The following ZC3H8 variants were observed in gnomAD, a reference collection of about 807,000 sequenced individuals.
ZC3H8 encodes the protein zinc finger CCCH-type containing 8, also known as zinc finger CCCH domain-containing protein 8.
ZC3H8 carries 27 observed loss-of-function variants against 42.5 expected under a neutral mutation model. That is an observed-to-expected ratio of 0.64 (90% CI 0.47 to 0.88). The LOEUF (loss-of-function observed/expected upper bound fraction) is 0.88. Ranked by LOEUF, ZC3H8 falls within the 40% of genes least tolerant of loss-of-function variation. The pLI, the probability that ZC3H8 is intolerant of heterozygous loss-of-function variation, is 0.00. For synonymous variants in ZC3H8, 101 were observed against 110.1 expected, an observed-to-expected ratio of 0.92 and a Z score of 0.52; for missense variants, 277 against 336.1, an observed-to-expected ratio of 0.82 and a Z score of 1.37.
chr2:112,230,681 C>A, intron 8 of ZC3H8: 1 of 214,876 alleles, frequency 4.7e-6, no homozygotes, highest in Non-Finnish European at 9.2e-6. Context: ...CAAAGAAACA[C>A]AAGAGGAGAA....
chr2:112,254,301 C>A (rs1686051364), intron 1 of ZC3H8, among the ~76,000 whole-genome samples: 2 of 152,328 alleles, frequency 1.3e-5, no homozygotes, highest in Non-Finnish European at 2.9e-5. Context: ...AAATTAGGGC[C>A]ATCTGACCAA....
In ZC3H8 at chr2:112,233,390, C is replaced by CAAGG; in HGVS notation, c.622-23_622-20dup. 6.9e-7 allele frequency: 1 copy of CAAGG among 1,457,726 alleles called. No individual in the cohort carries two copies. The highest frequency in any genetic ancestry group is 9.4e-7 in the Non-Finnish European group (1 of 1,063,736). 90.3% of individuals were successfully genotyped at this position (1,457,726 alleles called of 1,614,324 possible). A position where few individuals can be genotyped will look rare whatever the true frequency, so the allele number is the denominator to read the frequency against. On this transcript the variant is annotated intron_variant, in intron 5 of 8. Coordinates refer to ENST00000409573, the MANE Select transcript of ZC3H8 (RefSeq NM_032494.3). The stretch of plus-strand genomic sequence containing the variant: ...GGTCTCCCTAGGCCAAAAGAAGGAG[C>CAAGG]AAGGAAAAGCCATTATTTCTCATAG...
rs1686010147 is a variant in ZC3H8, at chr2:112,253,064, G to A, written c.74+1844C>T. On this transcript the variant is annotated intron_variant, in intron 1 of 8. Coordinates refer to ENST00000409573, the MANE Select transcript of ZC3H8 (RefSeq NM_032494.3). ...CAGGAGAATGGTGTGAACCCGGAAGGCAGAGCTTGCAGTGAGCCGAGATCG... is the reference window on the plus strand; with the variant it reads ...CAGGAGAATGGTGTGAACCCGGAAGACAGAGCTTGCAGTGAGCCGAGATCG... Among the ~76,000 whole-genome samples the A allele has an allele frequency of 2.0e-5, 3 of 152,078 alleles. No individual in the cohort carries two copies. The South Asian group carries it at 6.2e-4, about 32-fold the overall frequency.
At chr2:112,237,930 TAGA>T (rs1685414993) in intron 3 of ZC3H8, among the ~76,000 whole-genome samples, 1 of 152,212 alleles carries the variant, frequency 6.6e-6, no homozygotes, top group Non-Finnish European at 1.5e-5. Flanking sequence ...TTTAGTAATC[TAGA>T]AGAATATATT....
chr2:112,231,958 T>G lies in ZC3H8; in HGVS notation c.734-11A>C, dbSNP rs1450176658. 4 of 1,434,788 alleles carry G rather than the reference T, an allele frequency of 2.8e-6. No homozygotes were observed. In the African/African-American group the frequency reaches 5.7e-5, roughly 20 times the overall value. 88.9% of individuals were successfully genotyped at this position (1,434,788 alleles called of 1,614,324 possible). A position where few individuals can be genotyped will look rare whatever the true frequency, so the allele number is the denominator to read the frequency against. Reference sequence around the variant, plus strand: ...TACAAGGATATTCATGTAACCCAAGTGTTAAGGAAGAGAACAATTTTAATC... The same window carrying G: ...TACAAGGATATTCATGTAACCCAAGGGTTAAGGAAGAGAACAATTTTAATC... On this transcript the variant is annotated splice_polypyrimidine_tract_variant and intron_variant, in intron 6 of 8. Transcript: ENST00000409573.
intron 8 of ZC3H8, among the ~76,000 whole-genome samples, chr2:112,220,206 A>C (rs983092925): frequency 4.6e-5 from 7 of 152,178 alleles, no homozygotes; most frequent in Non-Finnish European, 1.0e-4. Flanking sequence ...TTAGCTGGTT[A>C]TTATGCAGAC....
chr2:112,255,032 C>G lies in ZC3H8; in HGVS notation c.-51G>C. Reference sequence around the variant, plus strand: ...GAGCCGGGAAGCTACAGAGTAACAACCCGAGAGAGTGACAACCCGGACGCG... The same window carrying G: ...GAGCCGGGAAGCTACAGAGTAACAAGCCGAGAGAGTGACAACCCGGACGCG... On this transcript the variant is annotated 5_prime_UTR_variant, in exon 1 of 9. Transcript: ENST00000409573. 2 of 1,546,842 alleles carry G rather than the reference C, an allele frequency of 1.3e-6. No homozygotes were observed. The highest frequency in any genetic ancestry group is 1.7e-6 in the Non-Finnish European group (2 of 1,145,158).
rs369148737 is a variant in ZC3H8 at position 112,226,796 on chromosome 2, TG to T, written c.*15+4106del. On this transcript the variant is annotated intron_variant, in intron 8 of 8. Coordinates refer to ENST00000409573, the MANE Select transcript of ZC3H8 (RefSeq NM_032494.3). ...TACACATGAATATCCCTCATAAACA[TG>T]AAAAAGATGTAAAAATCCTTAATAA... Among the ~76,000 whole-genome samples, 44 of 151,400 alleles carry T rather than the reference TG, an allele frequency of 2.9e-4. No individual in the cohort carries two copies. In the East Asian group the frequency reaches 8.3e-3, roughly 29 times the overall value.
At chr2:112,233,090 T>C (rs1344713140) in intron 6 of ZC3H8, among the ~76,000 whole-genome samples, 170 bp downstream of exon 6, 3 of 152,192 alleles carry the variant, frequency 2.0e-5, no homozygotes, top group Non-Finnish European at 2.9e-5. Flanking sequence ...GAATCCCTCT[T>C]TTCTTGCTTA....
At chr2:112,239,281 G>C (rs1685480900) in intron 2 of ZC3H8, among the ~76,000 whole-genome samples, 1 of 152,094 alleles carries the variant, frequency 6.6e-6, no homozygotes, top group Admixed American at 6.6e-5. Flanking sequence ...TTCTACACTT[G>C]GTGACACAGG....
At chr2:112,236,015 T>C (rs1573909171) in intron 4 of ZC3H8, among the ~76,000 whole-genome samples, 1 of 134,170 alleles carries the variant, frequency 7.5e-6, no homozygotes, top group South Asian at 2.4e-4. Flanking sequence ...AGGGAGGTGG[T>C]GGGTGGTGGG....
intron 8 of ZC3H8, among the ~76,000 whole-genome samples, chr2:112,219,199 T>C (rs978187945): frequency 8.5e-5 from 13 of 152,134 alleles, no homozygotes; most frequent in African/African-American, 2.9e-4. Flanking sequence ...TACAAAGTGA[T>C]AGTAATCAAA....
chr2:112,231,842 G>C lies in ZC3H8; in HGVS notation c.839C>G (p.Ala280Gly). Residue 280 changes from alanine (A) to glycine (G), a missense_variant, in exon 7 of 9, where the codon GCT (alanine) becomes GGT (glycine). Ala to Gly is a moderately conservative substitution (Grantham distance 60, BLOSUM62 0). Coordinates refer to ENST00000409573, the MANE Select transcript of ZC3H8 (RefSeq NM_032494.3). ...ATTATTAAAAATTATACTTACTTTA[G>C]CCAACAATTCTTGTGTTTCAGGAGT... ...PLTPETQELL[A>G]KVLDTEKKSC... 1 of 1,561,162 alleles carries C rather than the reference G, an allele frequency of 6.4e-7. No homozygotes were observed. Among genetic ancestry groups the C allele is most frequent in the South Asian group, 1.2e-5 (1 of 82,238 alleles).
chr2:112,250,494 C>A (rs1271924251), intron 1 of ZC3H8, among the ~76,000 whole-genome samples: 1 of 152,226 alleles, frequency 6.6e-6, no homozygotes, highest in East Asian at 1.9e-4. Flanking sequence ...ATTATAAAGC[C>A]TTAATGTTCA....
chr2:112,251,926 G>A (rs1251599907), intron 1 of ZC3H8, among the ~76,000 whole-genome samples: 1 of 152,228 alleles, frequency 6.6e-6, no homozygotes, highest in African/African-American at 2.4e-5. Flanking sequence ...TAGCTTCAGA[G>A]ATAGTGGGCT....
chr2:112,235,703 G>A (rs1462429945), intron 4 of ZC3H8, among the ~76,000 whole-genome samples: 1 of 152,058 alleles, frequency 6.6e-6, no homozygotes, highest in Non-Finnish European at 1.5e-5. Flanking sequence ...TACATCTACA[G>A]ACCAAGGAAA....
At chr2:112,230,340 C>T (rs1347759664) in intron 8 of ZC3H8, among the ~76,000 whole-genome samples, 1 of 152,122 alleles carries the variant, frequency 6.6e-6, no homozygotes, top group Non-Finnish European at 1.5e-5. Flanking sequence ...TATGATTCTA[C>T]TCCTTGGCAC....
rs1172351480 is a variant in ZC3H8 at position 112,253,101 on chromosome 2, C to T, written c.74+1807G>A. 7.2e-5 allele frequency among the ~76,000 whole-genome samples: 11 copies of T among 151,946 alleles called. No individual in the cohort carries two copies. The South Asian group carries it at 1.7e-3, about 23-fold the overall frequency. On this transcript the variant is annotated intron_variant, in intron 1 of 8. Coordinates refer to ENST00000409573, the MANE Select transcript of ZC3H8 (RefSeq NM_032494.3). ...GTGAGCCGAGATCGCGCCACTGCACCCCAGCCTGGGCGACAGAGCCAGACT... is the reference window on the plus strand; with the variant it reads ...GTGAGCCGAGATCGCGCCACTGCACTCCAGCCTGGGCGACAGAGCCAGACT...
intron 8 of ZC3H8, among the ~76,000 whole-genome samples, chr2:112,219,478 CAT>C (rs1684489585): frequency 6.6e-6 from 1 of 152,146 alleles, no homozygotes; most frequent in African/African-American, 2.4e-5. Flanking sequence ...CTATAAAGCT[CAT>C]AGAGGAAAAC....
Sources: gnomAD v4.1 joint callset for allele counts (sites outside exome capture counted in the v4.1 genomes callset) on GRCh38, gnomAD v4.1.1 for gene constraint, MANE v1.5 for transcripts, NCBI Gene and HGNC (gene_info 2026-07-23, HGNC 2026-07-21) for gene names.